Variants in RASGRF1 observed in about 807,000 individuals in gnomAD.
The protein encoded by RASGRF1 is ras-specific guanine nucleotide-releasing factor 1.
RASGRF1 carries 40 observed loss-of-function variants against 138.7 expected under a neutral mutation model. The observed-to-expected ratio is 0.29, with a 90% CI of 0.22 to 0.38. The LOEUF is 0.38. RASGRF1 is among the 10% of genes least tolerant of loss of function. The pLI is 1.00. For missense variants in RASGRF1, 1,108 were observed against 1,650.4 expected, an observed-to-expected ratio of 0.67 and a Z score of 5.69; for synonymous variants, 614 against 663.2, an observed-to-expected ratio of 0.93 and a Z score of 1.14.
At chr15:78,979,128 C>A (rs1386358764) in intron 24 of RASGRF1, 1 of 1,289,886 alleles carries the variant, frequency 7.8e-7, no homozygotes, top group Non-Finnish European at 1.0e-6. Flanking sequence ...CAGCTCCCCA[C>A]AAGCACAGTC....
rs2056198114 is a variant in RASGRF1 at position 78,988,075 on chromosome 15, G to C, written c.3216+2114C>G. Among the ~76,000 whole-genome samples, 4 of 152,366 alleles carry C rather than the reference G, an allele frequency of 2.6e-5. No homozygotes were observed. The South Asian group carries it at 8.3e-4, about 32-fold the overall frequency. On this transcript the variant is annotated intron_variant, in intron 22 of 26. Transcript: ENST00000558480. The stretch of plus-strand genomic sequence containing the variant: ...CAGAACCAAATGGTGGATTTGAACA[G>C]AGATGGCCAAATGCCAGGTCGTTAC...
intron 24 of RASGRF1, chr15:78,979,175 G>A (rs1260844205): frequency 2.5e-5 from 32 of 1,287,542 alleles, no homozygotes; most frequent in Non-Finnish European, 2.8e-5. Flanking sequence ...GAAGAGAGAC[G>A]GCTGGACAGC....
At chr15:79,065,946 G>A (rs998058006) in intron 1 of RASGRF1, among the ~76,000 whole-genome samples, 1 of 151,872 alleles carries the variant, frequency 6.6e-6, no homozygotes, top group Non-Finnish European at 1.5e-5. Flanking sequence ...GAGAGAGAGA[G>A]AGAGAGGAGA....
chr15:78,969,924 T>C (rs1419034785), intron 26 of RASGRF1, among the ~76,000 whole-genome samples: 2 of 152,160 alleles, frequency 1.3e-5, no homozygotes, highest in African/African-American at 4.8e-5. Context: ...CAATGAATAT[T>C]TGTGGAGTGA....
At chr15:79,045,128 C>T (rs2057340998) in intron 5 of RASGRF1, among the ~76,000 whole-genome samples, 1 of 152,174 alleles carries the variant, frequency 6.6e-6, no homozygotes, top group South Asian at 2.1e-4. Context: ...TGGAGATAAA[C>T]ACAGACAGCC....
Position 79,027,886 on chromosome 15 carries a change from A to G in RASGRF1, c.1263-27T>C. 6.2e-7 allele frequency: 1 copy of G among 1,609,876 alleles called. No individual in the cohort carries two copies. Among genetic ancestry groups the G allele is most frequent in the Non-Finnish European group, 8.5e-7 (1 of 1,176,164 alleles). ...TGTGGGGATGGGAAACTGCACAGTC[A>G]GAGACAGGCTGCCCCTACTTCCCAG... On this transcript the variant is annotated intron_variant, in intron 8 of 26. Transcript: ENST00000558480. This position sits in a 1 kb window ranked among gnomAD's most constrained non-coding sequence, Gnocchi z 4.8.
intron 26 of RASGRF1, among the ~76,000 whole-genome samples, chr15:78,963,753 C>G (rs180795218): frequency 1.0e-3 from 156 of 152,290 alleles, no homozygotes; most frequent in African/African-American, 3.7e-3. Context: ...AAAGTGATTA[C>G]TATGTCTGAT....
intron 4 of RASGRF1, among the ~76,000 whole-genome samples, chr15:79,047,799 C>T (rs2057374749): frequency 6.6e-6 from 1 of 152,160 alleles, no homozygotes; most frequent in South Asian, 2.1e-4. Flanking sequence ...GAGCTGTGTG[C>T]AAGCTCACGG....
chr15:79,000,052 G>T, intron 16 of RASGRF1, 139 bp from the exon 17 acceptor site: 3 of 834,414 alleles, frequency 3.6e-6, no homozygotes, highest in Non-Finnish European at 5.7e-6. Flanking sequence ...ATGTCGGGTG[G>T]TGCTGGTGTG....
rs1465413871 is a variant in RASGRF1 at position 79,006,426 on chromosome 15, G to T, written c.1835C>A (p.Ala612Asp). 6.2e-7 allele frequency: 1 copy of T among 1,611,360 alleles called. No individual in the cohort carries two copies. Among genetic ancestry groups the T allele is most frequent in the Admixed American group, 1.7e-5 (1 of 60,014 alleles). The change falls in exon 14 of 27, where the codon GCC becomes GAC. Residue 612 changes from alanine (A) to aspartate (D), a missense_variant. Physicochemically the swap from Ala to Asp is moderately radical, Grantham distance 126. Transcript: ENST00000558480. This position sits in a 1 kb window ranked among gnomAD's most constrained non-coding sequence, Gnocchi z 4.0. ...VTVPQMIKSD[A>D]SLYCDDVDIR... ...GTCAACATCATCACAATATAAGGAG[G>T]CGTCGGACCTGAGAGGGGAGGAAGG...
chr15:79,088,398 AG>A (rs2058009572), intron 1 of RASGRF1, among the ~76,000 whole-genome samples: 1 of 152,242 alleles, frequency 6.6e-6, no homozygotes. Context: ...AACCCCAGAA[AG>A]GTAGGTGTTA....
At chr15:79,056,642 G>T (rs930469456) in intron 3 of RASGRF1, among the ~76,000 whole-genome samples, 2 of 152,216 alleles carry the variant, frequency 1.3e-5, no homozygotes, top group African/African-American at 2.4e-5. Context: ...TGTGGGGAAT[G>T]AAAGTATGTC....
In RASGRF1 at chr15:79,010,036, T is replaced by G. The variant is rs560440278; in HGVS notation, c.1827-3602A>C. Reference sequence around the variant, plus strand: ...CTGCACCCAGCCTCTTTGTTTGTTTTTTTTTTTTTTTCTTTTGAGACAGAG... The same window carrying G: ...CTGCACCCAGCCTCTTTGTTTGTTTGTTTTTTTTTTTCTTTTGAGACAGAG... On this transcript the variant is annotated intron_variant, in intron 13 of 26. Transcript: ENST00000558480. 3.1e-3 allele frequency among the ~76,000 whole-genome samples: 467 copies of G among 151,082 alleles called. 3 individuals carry two copies. Among genetic ancestry groups the G allele is most frequent in the African/African-American group, 9.1e-3 (377 of 41,206 alleles).
intron 26 of RASGRF1, among the ~76,000 whole-genome samples, chr15:78,963,115 C>G (rs2055579760): frequency 6.6e-6 from 1 of 152,072 alleles, no homozygotes; most frequent in Non-Finnish European, 1.5e-5. Flanking sequence ...CTCCCCACCC[C>G]ACTCCTGCTC....
At chr15:79,003,776 G>A (rs575438169) in intron 15 of RASGRF1, 26 bp downstream of exon 15, 4 of 1,557,422 alleles carry the variant, frequency 2.6e-6, no homozygotes, top group African/African-American at 1.4e-5. Context: ...AGGCTGGGGG[G>A]CAGCTCCGAC....
intron 9 of RASGRF1, among the ~76,000 whole-genome samples, chr15:79,025,926 TAAAA>T (rs11328006): frequency 2.8e-5 from 4 of 143,340 alleles, no homozygotes; most frequent in Admixed American, 6.9e-5. Context: ...TACTAAGATT[TAAAA>T]AAAAAAAAAA....
chr15:78,990,935 C>T (rs2141658196), intron 21 of RASGRF1, among the ~76,000 whole-genome samples: 1 of 152,328 alleles, frequency 6.6e-6, no homozygotes, highest in East Asian at 1.9e-4. Context: ...GAGGCAGCAC[C>T]CATGCTGGGG....
intron 5 of RASGRF1, among the ~76,000 whole-genome samples, chr15:79,035,532 G>C (rs2057207979): frequency 6.6e-6 from 1 of 152,226 alleles, no homozygotes; most frequent in African/African-American, 2.4e-5. Context: ...CTGGCCAGTG[G>C]CCTCTGTCTC....
chr15:79,049,654 G>A lies in RASGRF1; in HGVS notation c.532-66C>T, dbSNP rs139587689. The stretch of plus-strand genomic sequence containing the variant: ...TCACAGAGGCCCCAGGTCTTTGGCC[G>A]GTGGGTGGCAGGAACAGGGTGGCAG... On this transcript the variant is annotated intron_variant, in intron 3 of 26. Coordinates refer to ENST00000558480, the MANE Select transcript of RASGRF1 (RefSeq NM_001145648.3). 1,404 of 1,423,232 alleles carry A rather than the reference G, an allele frequency of 9.9e-4. 16 individuals carry two copies. The African/African-American group carries it at 0.016, about 16-fold the overall frequency. The allele number at this position is 1,423,232 out of a possible 1,614,324, so 88.2% of individuals were successfully genotyped here.
Sources: gnomAD v4.1 joint callset for allele counts (sites outside exome capture counted in the v4.1 genomes callset) on GRCh38, gnomAD v4.1.1 for gene constraint, Gnocchi (gnomAD v3.1) non-coding constraint, MANE v1.5 for transcripts, NCBI Gene and HGNC (gene_info 2026-07-23, HGNC 2026-07-21) for gene names.